Variants in COX11 observed in about 807,000 individuals in gnomAD.
COX11 encodes the protein cytochrome c oxidase copper chaperone COX11.
Under a neutral mutation model 29.4 loss-of-function variants are expected in COX11, and 18 were observed. The ratio of observed to expected loss-of-function variants is 0.61; its 90% CI spans 0.42 to 0.91. The LOEUF (loss-of-function observed/expected upper bound fraction) is 0.91, where lower values mean the gene tolerates loss of function less well. COX11 is among the 40% of genes least tolerant of loss of function. The pLI is 0.00. For missense variants in COX11, 312 were observed against 346.0 expected, an observed-to-expected ratio of 0.90 and a Z score of 0.78; for synonymous variants, 131 against 124.0, an observed-to-expected ratio of 1.06 and a Z score of -0.38.
Position 54,960,426 on chromosome 17 carries a change from G to C in COX11, c.*2307C>G, listed in dbSNP as rs536864885. The C allele has an allele frequency of 1.5e-6, 1 of 653,596 alleles. No individual in the cohort carries two copies. Among genetic ancestry groups the C allele is most frequent in the African/African-American group, 1.8e-5 (1 of 55,130 alleles). The allele number at this position is 653,596 out of a possible 1,614,324, so 40.5% of individuals were successfully genotyped here. ...TAAATAAACTAGAATACACACTTCA[G>C]GGCAGAGACTTATTTTTACTCATAT... On this transcript the variant is annotated 3_prime_UTR_variant, in exon 4 of 4. Transcript: ENST00000299335.
At chr17:54,964,970 T>C (rs1446539430) in intron 1 of COX11, 118 bp from the exon 2 acceptor site, 4 of 918,836 alleles carry the variant, frequency 4.4e-6, no homozygotes, top group African/African-American at 1.7e-5. Context: ...AGTTTACATA[T>C]GGTAACTGAC....
chr17:54,967,176 C>G (rs2077246914), intron 1 of COX11, among the ~76,000 whole-genome samples: 1 of 152,198 alleles, frequency 6.6e-6, no homozygotes, highest in African/African-American at 2.4e-5. Context: ...TTGACAATTA[C>G]TGATGCCTGG....
At chr17:54,959,960 T>G (rs1405906009), downstream of COX11, among the ~76,000 whole-genome samples, 1 of 150,676 alleles carries the variant, frequency 6.6e-6, no homozygotes, top group South Asian at 2.1e-4. Context: ...AACTGAGGAG[T>G]TTTTTAAGCA....
chr17:54,963,318 G>T lies in COX11; in HGVS notation c.636C>A (p.Phe212Leu), dbSNP rs1170198569. 6.2e-7 allele frequency: 1 copy of T among 1,609,504 alleles called. No individual in the cohort carries two copies. Among genetic ancestry groups the T allele is most frequent in the East Asian group, 2.2e-5 (1 of 44,686 alleles). Residue 212 changes from phenylalanine to leucine, a missense_variant, in exon 3 of 4, where the codon TTC becomes TTA. Phe to Leu is a conservative substitution (Grantham distance 22). Coordinates refer to ENST00000299335, the MANE Select transcript of COX11 (RefSeq NM_004375.5). The stretch of plus-strand genomic sequence containing the variant: ...CACTTTGATGTACCTGTATTTTATT[G>T]AAATACTGTCCAGCTTCAAATGGAA... ...NIVPFEAGQY[F>L]NKIQCFCFEE...
At chr17:54,953,922 C>G (rs1567844883) in exon 1 of COX11, 1 of 152,130 alleles carries the variant, frequency 6.6e-6, no homozygotes, top group Non-Finnish European at 1.5e-5. Flanking sequence ...TGGAGGCATT[C>G]TTATTATCAA....
At position 54,968,609 on chromosome 17, in the gene COX11, G is replaced by A. The variant is rs750496910; in HGVS notation, c.38C>T (p.Pro13Leu). 2 of 1,612,924 alleles carry A rather than the reference G, an allele frequency of 1.2e-6. No individual in the cohort carries two copies. The highest frequency in any genetic ancestry group is 1.1e-5 in the South Asian group (1 of 91,078). ...GLWRPGWRCV[P>L]FCGWRWIHPG... The stretch of plus-strand genomic sequence containing the variant: ...GTGGATCCAGCGCCAGCCACAGAAA[G>A]GAACGCACCTCCATCCAGGACGCCA... The change falls in exon 1 of 4, where the codon CCT (proline) becomes CTT (leucine). Residue 13 changes from proline to leucine, a missense_variant. Pro to Leu is a moderately conservative substitution (Grantham distance 98). This residue lies in a region of COX11 where 130 missense variants were observed against 106.0 expected (regional missense o/e 1.23). Transcript: ENST00000299335.
In COX11 at chr17:54,960,679, A is replaced by G. The variant is rs2077098224; in HGVS notation, c.*2054T>C. On this transcript the variant is annotated 3_prime_UTR_variant, in exon 4 of 4. Transcript: ENST00000299335. ...ATTCCATATTCCATATAATTTCAGT[A>G]TAATTATCACTTTACATATTTAGTA... is the stretch of plus-strand genomic sequence containing the variant. 3.7e-6 allele frequency: 5 copies of G among 1,351,000 alleles called. No individual in the cohort carries two copies. The highest frequency in any genetic ancestry group is 2.4e-4 in the Middle Eastern group (1 of 4,152). 83.7% of individuals were successfully genotyped at this position (1,351,000 alleles called of 1,614,324 possible). A position where few individuals can be genotyped will look rare whatever the true frequency, so the allele number is the denominator to read the frequency against.
In COX11 at chr17:54,962,095, A is replaced by G; in HGVS notation, c.*638T>C. On this transcript the variant is annotated 3_prime_UTR_variant, in exon 4 of 4. Transcript: ENST00000299335. ...CTTTGGCTAACAGCCTAGTAGATGTATTTTATTTCAATTTTATGATACTAC... is the reference window on the plus strand; with the variant it reads ...CTTTGGCTAACAGCCTAGTAGATGTGTTTTATTTCAATTTTATGATACTAC... 1 of 966,458 alleles carries G rather than the reference A, an allele frequency of 1.0e-6. No individual in the cohort carries two copies. Among genetic ancestry groups the G allele is most frequent in the Non-Finnish European group, 1.2e-6 (1 of 812,518 alleles). The allele number at this position is 966,458 out of a possible 1,614,324, so 59.9% of individuals were successfully genotyped here. A position where few individuals can be genotyped will look rare whatever the true frequency, so the allele number is the denominator to read the frequency against.
intron 1 of COX11, 21 bp downstream of exon 1, chr17:54,968,247 TCTGCGCCACCCTG>T: frequency 6.3e-7 from 1 of 1,594,384 alleles, no homozygotes; most frequent in Admixed American, 1.8e-5. Context: ...ACCTCTCGCG[TCTGCGCCACCCTG>T]CGGGCGGCGC....
upstream of COX11, chr17:54,968,753 A>T (rs1341084590): frequency 4.5e-6 from 6 of 1,338,828 alleles, no homozygotes; most frequent in African/African-American, 1.5e-5. Context: ...TGCCTTGGCT[A>T]CCAGGCTCCT....
downstream of COX11, chr17:54,958,254 GTAAGA>G (rs756785654): frequency 3.9e-5 from 6 of 152,230 alleles, no homozygotes; most frequent in Non-Finnish European, 5.9e-5. Flanking sequence ...GGGCAGACAA[GTAAGA>G]TAAGAACTGA....
intron 2 of COX11, 67 bp downstream of exon 2, chr17:54,964,629 GT>G (rs2077186404): frequency 1.4e-6 from 2 of 1,433,010 alleles, no homozygotes; most frequent in Non-Finnish European, 2.0e-6. Context: ...TCCTCTGACA[GT>G]TTAAGTGATG....
downstream of COX11, chr17:54,959,547 C>T (rs2077056138): frequency 1.3e-5 from 2 of 150,830 alleles, no homozygotes. Context: ...ACAGAAATGA[C>T]AGTGATGAGC....
chr17:54,959,698 A>G (rs1256245861), downstream of COX11, among the ~76,000 whole-genome samples: 1 of 151,248 alleles, frequency 6.6e-6, no homozygotes, highest in Non-Finnish European at 1.5e-5. Context: ...GCTCACTGCA[A>G]TCTCCGCCTC....
intron 1 of COX11, among the ~76,000 whole-genome samples, chr17:54,965,918 C>T (rs910696288): frequency 9.2e-5 from 14 of 151,998 alleles, no homozygotes; most frequent in African/African-American, 3.4e-4. Context: ...GGATAATTTG[C>T]CTGTTACTAT....
upstream of COX11, chr17:54,955,201 G>A (rs2049434908): frequency 6.6e-6 from 1 of 152,152 alleles, no homozygotes; most frequent in African/African-American, 2.4e-5. Context: ...AGAGGTCCTG[G>A]GAAGCTGAGA....
chr17:54,962,511 T>C lies in COX11; in HGVS notation c.*222A>G. ...TTTAATAGTATCAAACTCTTCAGTA[T>C]GGTATTGAATAGTCAGTCATATATT... On this transcript the variant is annotated 3_prime_UTR_variant, in exon 4 of 4. Transcript: ENST00000299335. 2.5e-6 allele frequency: 3 copies of C among 1,205,328 alleles called. No homozygotes were observed. Among genetic ancestry groups the C allele is most frequent in the African/African-American group, 1.6e-5 (1 of 62,906 alleles). 74.7% of individuals were successfully genotyped at this position (1,205,328 alleles called of 1,614,324 possible). A position where few individuals can be genotyped will look rare whatever the true frequency, so the allele number is the denominator to read the frequency against.
rs1486281955 is a variant in COX11, at chr17:54,961,913, A to C, written c.*820T>G. 1.1e-6 allele frequency: 1 copy of C among 899,322 alleles called. No homozygotes were observed. Among genetic ancestry groups the C allele is most frequent in the African/African-American group, 1.8e-5 (1 of 55,594 alleles). 55.7% of individuals were successfully genotyped at this position (899,322 alleles called of 1,614,324 possible). A position where few individuals can be genotyped will look rare whatever the true frequency, so the allele number is the denominator to read the frequency against. On this transcript the variant is annotated 3_prime_UTR_variant, in exon 4 of 4. Coordinates refer to ENST00000299335, the MANE Select transcript of COX11 (RefSeq NM_004375.5). ...GAACACAGAAAATGAAAATATTTAGAATAAGTTGTACATTTGATGACAAAT... is the reference window on the plus strand; with the variant it reads ...GAACACAGAAAATGAAAATATTTAGCATAAGTTGTACATTTGATGACAAAT...
exon 1 of COX11, chr17:54,952,154 A>G (rs2049265660): frequency 6.6e-6 from 1 of 152,188 alleles, no homozygotes; most frequent in Non-Finnish European, 1.5e-5. Flanking sequence ...AGATGCAGGG[A>G]CCAAACAACA....
Sources: gnomAD v4.1 joint callset for allele counts (sites outside exome capture counted in the v4.1 genomes callset) on GRCh38, gnomAD v4.1.1 for gene constraint, gnomAD v4.1.1 regional missense constraint, MANE v1.5 for transcripts, NCBI Gene and HGNC (gene_info 2026-07-23, HGNC 2026-07-21) for gene names.